The following COQ10A variants were observed in gnomAD, a reference collection of about 807,000 sequenced individuals.
COQ10A encodes coenzyme Q10A.
Under a neutral mutation model 26.1 loss-of-function variants are expected in COQ10A, and 25 were observed. The observed-to-expected ratio is 0.96, with a 90% confidence interval of 0.70 to 1.34. The LOEUF (loss-of-function observed/expected upper bound fraction) is 1.34. Among genes scored for constraint, COQ10A ranks in the 40% most tolerant of loss-of-function variants. COQ10A has a pLI of 0.00. For missense variants in COQ10A, 312 were observed against 335.4 expected (o/e 0.93, Z 0.54); for synonymous variants, 132 against 124.0 (o/e 1.06, Z -0.43).
Position 56,267,110 on chromosome 12 carries a change from G to A in COQ10A, c.-9G>A. On this transcript the variant is annotated 5_prime_UTR_variant, in exon 1 of 5. Coordinates refer to ENST00000308197, the MANE Select transcript of COQ10A (RefSeq NM_144576.4). ...GTCAGAACTTAGAGGGCCAGGCAGG[G>A]TCGCGCGCATGGCCTGGGCGGGCTC... 7.8e-7 allele frequency: 1 copy of A among 1,287,152 alleles called. No individual in the cohort carries two copies. Among genetic ancestry groups the A allele is most frequent in the Non-Finnish European group, 9.8e-7 (1 of 1,022,046 alleles). 79.7% of individuals were successfully genotyped at this position (1,287,152 alleles called of 1,614,324 possible).
intron 2 of COQ10A, 173 bp downstream of exon 2, chr12:56,268,113 T>G: frequency 3.6e-6 from 3 of 828,836 alleles, no homozygotes; most frequent in Non-Finnish European, 5.6e-6. Context: ...CCTTAATTTC[T>G]CCCTTCTTGG....
chr12:56,268,154 C>T lies in COQ10A; in HGVS notation c.281+214C>T. On this transcript the variant is annotated intron_variant, in intron 2 of 4. Transcript: ENST00000308197. Reference sequence around the variant, plus strand: ...GTGCATGTGCTTAAGTGAAATGAGACTAGGGTTGGACTATACTTTAAGACA... The same window carrying T: ...GTGCATGTGCTTAAGTGAAATGAGATTAGGGTTGGACTATACTTTAAGACA... 3.1e-6 allele frequency: 2 copies of T among 636,422 alleles called. 1 individual carries two copies. Among genetic ancestry groups the T allele is most frequent in the East Asian group, 5.7e-5 (2 of 35,114 alleles). 39.4% of individuals were successfully genotyped at this position (636,422 alleles called of 1,614,324 possible).
intron 2 of COQ10A, chr12:56,268,193 G>C: frequency 4.0e-6 from 2 of 500,622 alleles, no homozygotes; most frequent in Non-Finnish European, 7.1e-6. Context: ...GGGCGTAGCT[G>C]GGTGCGGTGG....
At chr12:56,267,716 C>G in intron 1 of COQ10A, 78 bp from the exon 2 acceptor site, 3 of 1,592,550 alleles carry the variant, frequency 1.9e-6, no homozygotes, top group African/African-American at 1.3e-5. Flanking sequence ...CTGGGATGCA[C>G]TCTTCTTCTC....
chr12:56,268,206 C>A, intron 2 of COQ10A: 1 of 460,680 alleles, frequency 2.2e-6, no homozygotes, highest in Non-Finnish European at 3.9e-6. Flanking sequence ...TGCGGTGGCT[C>A]ACGCCTGTAA....
At position 56,267,194 on chromosome 12, in the gene COQ10A, A is replaced by G; in HGVS notation, c.76A>G (p.Ser26Gly). 1 of 1,387,194 alleles carries G rather than the reference A, an allele frequency of 7.2e-7. No individual in the cohort carries two copies. The highest frequency in any genetic ancestry group is 9.3e-7 in the Non-Finnish European group (1 of 1,074,014). The allele number at this position is 1,387,194 out of a possible 1,614,324, so 85.9% of individuals were successfully genotyped here. A position where few individuals can be genotyped will look rare whatever the true frequency, so the allele number is the denominator to read the frequency against. The change falls in exon 1 of 5, where the codon AGC becomes GGC. Residue 26 changes from serine to glycine, a missense_variant. Transcript: ENST00000308197. ...CGAGCGCTGCTGCCGGCTCTCGCTC[A>G]GCCCGGGCGCGCAACCGGCCCCGCC... ...AAERCCRLSLSPGAQPAPPPG... is the reference protein window; with the variant it reads ...AAERCCRLSLGPGAQPAPPPG...
Position 56,269,089 on chromosome 12 carries a change from G to C in COQ10A, c.312G>C (p.Val104=), listed in dbSNP as rs1232996586. The C allele has an allele frequency of 6.2e-7, 1 of 1,614,026 alleles. No individual in the cohort carries two copies. Among genetic ancestry groups the C allele is most frequent in the East Asian group, 2.2e-5 (1 of 44,884 alleles). ...GYSMQEMYEV[V]SNVQEYREFV... is the part of the protein sequence containing the mutation. Reference sequence around the variant, plus strand: ...CAATGCAGGAGATGTATGAGGTGGTGTCCAACGTCCAGGAGTATCGTGAGT... The same window carrying C: ...CAATGCAGGAGATGTATGAGGTGGTCTCCAACGTCCAGGAGTATCGTGAGT... The change falls in exon 3 of 5, where the codon GTG becomes GTC. Residue 104 remains valine (V), a synonymous_variant. Coordinates refer to ENST00000308197, the MANE Select transcript of COQ10A (RefSeq NM_144576.4).
intron 1 of COQ10A, chr12:56,267,556 C>T: frequency 8.0e-7 from 1 of 1,252,140 alleles, no homozygotes; most frequent in Non-Finnish European, 1.2e-6. Context: ...CTGGCGCTTC[C>T]CACACACCCC....
At position 56,270,133 on chromosome 12, in the gene COQ10A, C is replaced by T; in HGVS notation, c.577-17C>T. ...ACATGGTCTGGAAGTTTCTGACTGT[C>T]TCTTACCCATTCCCAGATTTCCTTT... On this transcript the variant is annotated splice_polypyrimidine_tract_variant and intron_variant, in intron 4 of 4. Coordinates refer to ENST00000308197, the MANE Select transcript of COQ10A (RefSeq NM_144576.4). 6.2e-7 allele frequency: 1 copy of T among 1,611,638 alleles called. No individual in the cohort carries two copies. Among genetic ancestry groups the T allele is most frequent in the Non-Finnish European group, 8.5e-7 (1 of 1,178,374 alleles).
intron 1 of COQ10A, 29 bp downstream of exon 1, chr12:56,267,281 C>G (rs1007643905): frequency 3.2e-6 from 5 of 1,584,660 alleles, no homozygotes; most frequent in Non-Finnish European, 4.3e-6. Context: ...CGGCTGAGGG[C>G]AGGGGGTCGC....
intron 2 of COQ10A, chr12:56,268,677 A>G (rs1872421150): frequency 5.3e-6 from 1 of 187,164 alleles, no homozygotes; most frequent in South Asian, 1.3e-4. Flanking sequence ...TAATTCTCAC[A>G]ACAAACCTAT....
At chr12:56,267,662 C>T (rs761413780) in intron 1 of COQ10A, 132 bp from the exon 2 acceptor site, 2 of 1,319,888 alleles carry the variant, frequency 1.5e-6, no homozygotes, top group Admixed American at 3.4e-5. Flanking sequence ...GCCTAGCGGG[C>T]TGCAGCAGGT....
In COQ10A at chr12:56,267,208, A is replaced by G. The variant is rs772305187; in HGVS notation, c.90A>G (p.Gln30=). ...GGCTCTCGCTCAGCCCGGGCGCGCA[A>G]CCGGCCCCGCCCCCAGGCCCTCTGC... ...CCRLSLSPGA[Q]PAPPPGPLPP... is the part of the protein sequence containing the mutation. Residue 30 remains glutamine, a synonymous_variant, in exon 1 of 5, where the codon CAA becomes CAG. Coordinates refer to ENST00000308197, the MANE Select transcript of COQ10A (RefSeq NM_144576.4). 38 of 1,422,852 alleles carry G rather than the reference A, an allele frequency of 2.7e-5. No individual in the cohort carries two copies. Among genetic ancestry groups the G allele is most frequent in the Non-Finnish European group, 3.4e-5 (37 of 1,091,150 alleles). 88.1% of individuals were successfully genotyped at this position (1,422,852 alleles called of 1,614,324 possible). A position where few individuals can be genotyped will look rare whatever the true frequency, so the allele number is the denominator to read the frequency against.
chr12:56,269,273 T>C (rs1219168176), intron 3 of COQ10A, 22 bp downstream of exon 3: 2 of 1,604,198 alleles, frequency 1.2e-6, no homozygotes, highest in East Asian at 2.2e-5. Flanking sequence ...ATGGGAGGGA[T>C]TGACAAGATT....
intron 1 of COQ10A, 159 bp from the exon 2 acceptor site, chr12:56,267,635 C>A: frequency 8.2e-7 from 1 of 1,217,946 alleles, no homozygotes; most frequent in Non-Finnish European, 1.2e-6. Flanking sequence ...GCACTCGTGA[C>A]TCCCTGGCCA....
intron 4 of COQ10A, chr12:56,269,810 A>AGAGACGG (rs1205289152): frequency 3.8e-6 from 2 of 522,992 alleles, no homozygotes; most frequent in Non-Finnish European, 6.9e-6. Flanking sequence ...TATTTTTAGT[A>AGAGACGG]GAGACGGGGT....
intron 2 of COQ10A, 199 bp from the exon 3 acceptor site, chr12:56,268,860 G>A: frequency 3.6e-6 from 2 of 551,102 alleles, no homozygotes; most frequent in Non-Finnish European, 3.2e-6. Flanking sequence ...AAAGCATTCT[G>A]TAAACTGCAA....
chr12:56,267,183 G>A lies in COQ10A; in HGVS notation c.65G>A (p.Arg22Gln). Residue 22 changes from arginine to glutamine, a missense_variant, in exon 1 of 5, where the codon CGG (arginine) becomes CAG (glutamine). Arg to Gln is a conservative substitution (Grantham distance 43). Transcript: ENST00000308197. The part of the protein sequence containing the change: ...GTRAAAERCC[R>Q]LSLSPGAQPA... ...CGCGCGGCAGCCGAGCGCTGCTGCC[G>A]GCTCTCGCTCAGCCCGGGCGCGCAA... The A allele has an allele frequency of 2.2e-6, 3 of 1,369,388 alleles. No individual in the cohort carries two copies. Among genetic ancestry groups the A allele is most frequent in the Non-Finnish European group, 2.8e-6 (3 of 1,066,708 alleles). 84.8% of individuals were successfully genotyped at this position (1,369,388 alleles called of 1,614,324 possible). A position where few individuals can be genotyped will look rare whatever the true frequency, so the allele number is the denominator to read the frequency against.
Position 56,270,413 on chromosome 12 carries a change from C to T in COQ10A, c.*96C>T. On this transcript the variant is annotated 3_prime_UTR_variant, in exon 5 of 5. Coordinates refer to ENST00000308197, the MANE Select transcript of COQ10A (RefSeq NM_144576.4). ...GCTCCTGTTCCAATTTGAAAGGAGT[C>T]TGTGTTCATAATACTGTTTCTCCTC... The T allele has an allele frequency of 7.7e-7, 1 of 1,296,712 alleles. No homozygotes were observed. The highest frequency in any genetic ancestry group is 2.2e-4 in the Middle Eastern group (1 of 4,522). 80.3% of individuals were successfully genotyped at this position (1,296,712 alleles called of 1,614,324 possible). A position where few individuals can be genotyped will look rare whatever the true frequency, so the allele number is the denominator to read the frequency against.
Sources: allele counts gnomAD v4.1 joint callset, GRCh38; gene constraint gnomAD v4.1.1; transcripts MANE v1.5; gene names NCBI Gene and HGNC (gene_info 2026-07-23, HGNC 2026-07-21).